Variants in ERICH1 observed in about 807,000 individuals in gnomAD.
ERICH1 encodes the protein glutamate rich 1.
A neutral mutation model predicts 39.6 loss-of-function variants in ERICH1; 56 were observed. That is an observed-to-expected ratio of 1.41 (90% confidence interval 1.14 to 1.77). ERICH1 has a LOEUF of 1.77. Ranked by LOEUF, ERICH1 falls within the 40% of genes most tolerant of loss-of-function variation. ERICH1 has a pLI of 0.00. For synonymous variants in ERICH1, 313 were observed against 223.6 expected (o/e 1.40, Z -3.57); for missense variants, 826 against 575.4 (o/e 1.44, Z -4.45).
At chr8:639,542 G>A (rs60663872) in intron 3 of ERICH1, among the ~76,000 whole-genome samples, 1 of 151,558 alleles carries the variant, frequency 6.6e-6, no homozygotes, top group Non-Finnish European at 1.5e-5. Flanking sequence ...AGACACGACC[G>A]AGAACCCTGG....
At chr8:725,092 G>A in intron 1 of ERICH1, 1 of 171,492 alleles carries the variant, frequency 5.8e-6, no homozygotes, top group Non-Finnish European at 1.2e-5. Context: ...CTTCCTGTCT[G>A]CTGTCCTCTC....
At chr8:672,783 A>G (rs1305747268) in intron 4 of ERICH1, among the ~76,000 whole-genome samples, 1 of 152,250 alleles carries the variant, frequency 6.6e-6, no homozygotes, top group Non-Finnish European at 1.5e-5. Flanking sequence ...CTGCACAATA[A>G]TGCATGCTGA....
chr8:622,121 C>T (rs1028189932), intron 3 of ERICH1, among the ~76,000 whole-genome samples: 1 of 152,154 alleles, frequency 6.6e-6, no homozygotes, highest in Non-Finnish European at 1.5e-5. Context: ...ACTTGGGAGA[C>T]TGTGGCAGGA....
At chr8:626,881 C>A (rs1432840908) in intron 3 of ERICH1, 1 of 292,970 alleles carries the variant, frequency 3.4e-6, no homozygotes, top group Non-Finnish European at 7.1e-6. Flanking sequence ...GAAATGCTGG[C>A]GGTTGGAACC....
At chr8:666,265 T>C (rs544521943) in intron 5 of ERICH1, 127 of 152,346 alleles carry the variant, frequency 8.3e-4, no homozygotes, top group African/African-American at 2.9e-3. Context: ...GCCTCAAGTG[T>C]GAGAAACAGA....
chr8:710,258 T>G (rs376227353), intron 2 of ERICH1, among the ~76,000 whole-genome samples: 35 of 151,674 alleles, frequency 2.3e-4, no homozygotes, highest in African/African-American at 8.0e-4. Flanking sequence ...GTGCAAATCC[T>G]CTGGGCTCCA....
chr8:641,903 G>A (rs1051930459), intron 3 of ERICH1, among the ~76,000 whole-genome samples: 5 of 152,172 alleles, frequency 3.3e-5, no homozygotes, highest in East Asian at 1.9e-4. Flanking sequence ...ACCCCATCTC[G>A]TCCTCCAGTC....
chr8:676,730 G>A (rs1018976809), intron 3 of ERICH1, among the ~76,000 whole-genome samples: 1 of 152,190 alleles, frequency 6.6e-6, no homozygotes, highest in Non-Finnish European at 1.5e-5. Context: ...TGCCACGGCC[G>A]GCACACGGCT....
chr8:693,841 C>T (rs1449126427), intron 2 of ERICH1, among the ~76,000 whole-genome samples: 3 of 152,028 alleles, frequency 2.0e-5, no homozygotes, highest in African/African-American at 4.8e-5. Flanking sequence ...CGCCCCTCTG[C>T]GCACGTGGCT....
chr8:676,800 G>T (rs1451035334), intron 3 of ERICH1, among the ~76,000 whole-genome samples: 1 of 152,254 alleles, frequency 6.6e-6, no homozygotes, highest in Admixed American at 6.5e-5. Flanking sequence ...CACGCCAAGG[G>T]CGGGGGTTCA....
chr8:664,671 C>T lies in ERICH1; in HGVS notation c.1264G>A (p.Ala422Thr). 1 of 1,609,988 alleles carries T rather than the reference C, an allele frequency of 6.2e-7. No individual in the cohort carries two copies. Among genetic ancestry groups the T allele is most frequent in the Non-Finnish European group, 8.5e-7 (1 of 1,178,392 alleles). Residue 422 changes from alanine to threonine, a missense_variant, in exon 6 of 6, where the codon GCC (alanine) becomes ACC (threonine). Physicochemically the swap from Ala to Thr is moderately conservative, Grantham distance 58 (BLOSUM62 0). Coordinates refer to ENST00000262109, the MANE Select transcript of ERICH1 (RefSeq NM_207332.3). ...PEHCTMPPDH[A>T]RVISAFFSYW... ...CTAAAGAAAGCTGAGATTACTCTGG[C>T]ATGGTCTAGAAAGCAAAAAACACAA...
Position 626,903 on chromosome 8 carries a change from G to A in ERICH1, c.977-11619C>T, listed in dbSNP as rs1226189879. 1.2e-5 allele frequency: 4 copies of A among 322,326 alleles called. No homozygotes were observed. In the Admixed American group the frequency reaches 1.5e-4, roughly 12 times the overall value. The allele number at this position is 322,326 out of a possible 1,614,324, so 20.0% of individuals were successfully genotyped here. On this transcript the variant is annotated intron_variant, in intron 3 of 3. Transcript: ENST00000522706. ...TGGCGGTTGGAACCTGTTCATTCTT[G>A]CCTAGAGTAAGGTACCTTCCAGGGC...
chr8:634,937 C>T (rs1584976952), intron 3 of ERICH1, among the ~76,000 whole-genome samples: 1 of 152,172 alleles, frequency 6.6e-6, no homozygotes, highest in Non-Finnish European at 1.5e-5. Context: ...GCTGTGGCTG[C>T]CCTCTTGGTG....
chr8:694,215 C>A (rs1179218466), intron 2 of ERICH1, among the ~76,000 whole-genome samples: 1 of 152,162 alleles, frequency 6.6e-6, no homozygotes, highest in African/African-American at 2.4e-5. Context: ...GGGTAGGGTG[C>A]CGGAATCCTA....
intron 3 of ERICH1, among the ~76,000 whole-genome samples, chr8:632,695 G>T (rs1798119763): frequency 6.6e-6 from 1 of 152,218 alleles, no homozygotes; most frequent in African/African-American, 2.4e-5. Context: ...GACACGCTCA[G>T]TCCCACCAGT....
At chr8:727,274 G>C (rs902809386) in intron 1 of ERICH1, among the ~76,000 whole-genome samples, 2 of 152,130 alleles carry the variant, frequency 1.3e-5, no homozygotes, top group African/African-American at 2.4e-5. Flanking sequence ...CAAGCTCACA[G>C]ACCCACACCT....
At position 634,178 on chromosome 8, in the gene ERICH1, A is replaced by C. The variant is rs375041263; in HGVS notation, c.977-18894T>G. Among the ~76,000 whole-genome samples, 3 of 140,500 alleles carry C rather than the reference A, an allele frequency of 2.1e-5. No homozygotes were observed. In the South Asian group the frequency reaches 7.0e-4, roughly 33 times the overall value. 92.2% of individuals were successfully genotyped at this position (140,500 alleles called of 152,430 possible). Reference sequence around the variant, plus strand: ...AGAACTCCTAAAACTCAAAAAAAAAAAAAAAAAACAAACAAAAAAAACCCT... The same window carrying C: ...AGAACTCCTAAAACTCAAAAAAAAACAAAAAAAACAAACAAAAAAAACCCT... On this transcript the variant is annotated intron_variant, in intron 3 of 3. Transcript: ENST00000522706.
intron 3 of ERICH1, among the ~76,000 whole-genome samples, chr8:690,503 C>T (rs1489623415): frequency 6.6e-6 from 1 of 152,264 alleles, no homozygotes; most frequent in Non-Finnish European, 1.5e-5. Context: ...CCGGCAGACC[C>T]AAGGGCGCAG....
chr8:622,558 G>C (rs540880154), intron 3 of ERICH1, among the ~76,000 whole-genome samples: 1 of 152,278 alleles, frequency 6.6e-6, no homozygotes, highest in African/African-American at 2.4e-5. Flanking sequence ...AATAAATTCT[G>C]CTGTTTATAA....
Sources: gnomAD v4.1 joint callset for allele counts (sites outside exome capture counted in the v4.1 genomes callset) on GRCh38, gnomAD v4.1.1 for gene constraint, MANE v1.5 for transcripts, NCBI Gene and HGNC (gene_info 2026-07-23, HGNC 2026-07-21) for gene names.